Variants in JPH1 observed in about 807,000 individuals in gnomAD.
The protein encoded by JPH1 is junctophilin-1.
In JPH1, 12 loss-of-function variants were observed where a neutral mutation model predicts 53.6. The observed-to-expected ratio is 0.22, with a 90% CI of 0.14 to 0.36. The LOEUF (loss-of-function observed/expected upper bound fraction) is 0.36. Ranked by LOEUF, JPH1 falls within the 10% of genes least tolerant of loss-of-function variation. The pLI, the probability that JPH1 is intolerant of heterozygous loss-of-function variation, is 1.00. For missense variants in JPH1, 808 were observed against 905.5 expected (o/e 0.89, Z 1.38); for synonymous variants, 375 against 363.8 (o/e 1.03, Z -0.35).
chr8:74,302,959 G>GAAAAAAAA (rs34040034), intron 2 of JPH1, among the ~76,000 whole-genome samples: 2 of 136,706 alleles, frequency 1.5e-5, no homozygotes, highest in Non-Finnish European at 1.6e-5. Flanking sequence ...GCCAAGAAAA[G>GAAAAAAAA]AAAAAAAAAA....
chr8:74,319,331 G>T (rs2131470779), intron 1 of JPH1, among the ~76,000 whole-genome samples: 1 of 152,174 alleles, frequency 6.6e-6, no homozygotes, highest in African/African-American at 2.4e-5. Context: ...AATAAATTTT[G>T]CCTTCTACTT....
At chr8:74,241,953 G>A (rs902714729) in intron 4 of JPH1, among the ~76,000 whole-genome samples, 1 of 152,184 alleles carries the variant, frequency 6.6e-6, no homozygotes, top group Non-Finnish European at 1.5e-5. Context: ...CCCTACCAGA[G>A]TTGTCATGTT....
intron 2 of JPH1, among the ~76,000 whole-genome samples, chr8:74,308,515 A>G (rs914712827): frequency 3.3e-5 from 5 of 152,248 alleles, no homozygotes; most frequent in Non-Finnish European, 7.3e-5. Context: ...CTAAGTTGTG[A>G]GAATTTAATT....
intron 3 of JPH1, among the ~76,000 whole-genome samples, chr8:74,246,675 A>G (rs1354729337): frequency 6.6e-6 from 1 of 152,176 alleles, no homozygotes; most frequent in African/African-American, 2.4e-5. Flanking sequence ...TTAAAGCCAG[A>G]GACAAGAATT....
At chr8:74,288,838 ATGTAAC>A (rs1177301642) in intron 2 of JPH1, among the ~76,000 whole-genome samples, 2 of 152,276 alleles carry the variant, frequency 1.3e-5, no homozygotes, top group African/African-American at 2.4e-5. Flanking sequence ...CCACAGACTT[ATGTAAC>A]TGTAACAGTC....
intron 3 of JPH1, 40 bp downstream of exon 3, chr8:74,259,345 C>T (rs202188492): frequency 6.9e-7 from 1 of 1,440,984 alleles, no homozygotes; most frequent in Admixed American, 1.8e-5. Flanking sequence ...AAGCCAAAGC[C>T]AGTGCTCCTG....
chr8:74,313,195 C>T (rs890012296), intron 2 of JPH1, among the ~76,000 whole-genome samples: 1 of 152,142 alleles, frequency 6.6e-6, no homozygotes. Flanking sequence ...TGGAAGAATC[C>T]AAGTGTGCAT....
intron 3 of JPH1, 30 bp downstream of exon 3, chr8:74,259,355 G>A (rs1381833235): frequency 6.0e-6 from 9 of 1,504,396 alleles, no homozygotes; most frequent in South Asian, 3.4e-5. Flanking sequence ...CAGTGCTCCT[G>A]CCTCACCCAT....
intron 2 of JPH1, among the ~76,000 whole-genome samples, chr8:74,309,008 A>C (rs1807914066): frequency 6.6e-6 from 1 of 152,242 alleles, no homozygotes; most frequent in African/African-American, 2.4e-5. Context: ...ATTTAAGTCC[A>C]AAATTGGCAA....
At chr8:74,249,127 A>G (rs1222493804) in intron 3 of JPH1, among the ~76,000 whole-genome samples, 1 of 152,212 alleles carries the variant, frequency 6.6e-6, no homozygotes, top group Non-Finnish European at 1.5e-5. Context: ...AAGGCTCTGA[A>G]CAGATATGGC....
At chr8:74,319,626 G>A (rs952512722) in intron 1 of JPH1, among the ~76,000 whole-genome samples, 2 of 152,104 alleles carry the variant, frequency 1.3e-5, no homozygotes, top group African/African-American at 4.8e-5. Flanking sequence ...TTTGAAACAC[G>A]GCCCAAGTGT....
chr8:74,277,576 G>T (rs1375787567), intron 2 of JPH1, among the ~76,000 whole-genome samples: 1 of 152,098 alleles, frequency 6.6e-6, no homozygotes, highest in Non-Finnish European at 1.5e-5. Flanking sequence ...ATGGGTTCTG[G>T]AATCAGACTG....
At chr8:74,265,175 T>C (rs1806496632) in intron 2 of JPH1, among the ~76,000 whole-genome samples, 1 of 152,214 alleles carries the variant, frequency 6.6e-6, no homozygotes, top group Non-Finnish European at 1.5e-5. Context: ...CTTGTAATAC[T>C]AAGTTTTCTG....
At chr8:74,267,982 G>C (rs1315149904) in intron 2 of JPH1, among the ~76,000 whole-genome samples, 2 of 152,146 alleles carry the variant, frequency 1.3e-5, no homozygotes, top group Admixed American at 6.5e-5. Context: ...GCTCAAAAAA[G>C]ACCTAAAGTG....
chr8:74,298,150 C>T (rs1161606380), intron 2 of JPH1, among the ~76,000 whole-genome samples: 1 of 152,188 alleles, frequency 6.6e-6, no homozygotes, highest in Non-Finnish European at 1.5e-5. Flanking sequence ...CTTCAAAGTA[C>T]TGTTCTTACT....
intron 2 of JPH1, among the ~76,000 whole-genome samples, chr8:74,310,690 T>A (rs1277054230): frequency 2.0e-5 from 3 of 152,166 alleles, no homozygotes; most frequent in Non-Finnish European, 4.4e-5. Context: ...CCACCATACT[T>A]TCATGAATCT....
intron 4 of JPH1, among the ~76,000 whole-genome samples, chr8:74,242,691 G>A (rs4386973): frequency 0.63 from 95,974 of 152,056 alleles, 30,558 homozygotes; most frequent in Admixed American, 0.68. Flanking sequence ...GAATCTTCGC[G>A]TGAAGGTGTC....
Position 74,320,877 on chromosome 8 carries a change from G to C in JPH1, c.379+32C>G. 4 of 1,475,548 alleles carry C rather than the reference G, an allele frequency of 2.7e-6. No individual in the cohort carries two copies. The highest frequency in any genetic ancestry group is 3.6e-6 in the Non-Finnish European group (4 of 1,114,698). 91.4% of individuals were successfully genotyped at this position (1,475,548 alleles called of 1,614,324 possible). On this transcript the variant is annotated intron_variant, in intron 1 of 5. Coordinates refer to ENST00000342232, the MANE Select transcript of JPH1 (RefSeq NM_020647.4). This position sits in a 1 kb window ranked among gnomAD's most constrained non-coding sequence, Gnocchi z 4.4. ...GGCAGAGCCCACCGCACCAGCTCGC[G>C]GAGCAGCCGAGCCGCCCGTTACGCC... is the stretch of plus-strand genomic sequence containing the variant.
At chr8:74,301,750 T>G (rs1323502702) in intron 2 of JPH1, among the ~76,000 whole-genome samples, 1 of 152,234 alleles carries the variant, frequency 6.6e-6, no homozygotes, top group Non-Finnish European at 1.5e-5. Flanking sequence ...CTGTCATGGT[T>G]TTTTTCTTAG....
Sources: gnomAD v4.1 joint callset for allele counts (sites outside exome capture counted in the v4.1 genomes callset) on GRCh38, gnomAD v4.1.1 for gene constraint, Gnocchi (gnomAD v3.1) non-coding constraint, MANE v1.5 for transcripts, NCBI Gene and HGNC (gene_info 2026-07-23, HGNC 2026-07-21) for gene names.